Variants in KMT2C observed in about 807,000 individuals in gnomAD.
KMT2C encodes the protein lysine methyltransferase 2C.
KMT2C carries 88 observed loss-of-function variants against 507.9 expected under a neutral mutation model. The ratio of observed to expected loss-of-function variants is 0.17; its 90% CI spans 0.15 to 0.21. The LOEUF (loss-of-function observed/expected upper bound fraction) is 0.21. Ranked by LOEUF, KMT2C falls within the 10% of genes least tolerant of loss-of-function variation. The pLI is 1.00. For synonymous variants in KMT2C, 2,049 were observed against 2,080.8 expected (o/e 0.98, Z 0.42); for missense variants, 4,954 against 5,957.8 (o/e 0.83, Z 5.55).
chr7:152,324,205 G>GCA (rs2096802403), intron 3 of KMT2C, among the ~76,000 whole-genome samples: 1 of 151,378 alleles, frequency 6.6e-6, no homozygotes, highest in Non-Finnish European at 1.5e-5. Flanking sequence ...GAGATACAGT[G>GCA]CATAGCAGGG....
chr7:152,272,611 T>C (rs1056568483), intron 7 of KMT2C, among the ~76,000 whole-genome samples: 1 of 152,192 alleles, frequency 6.6e-6, no homozygotes, highest in Non-Finnish European at 1.5e-5. Flanking sequence ...GTGTACAATC[T>C]AACGCATTTT....
chr7:152,332,738 C>G (rs2096895251), intron 2 of KMT2C, among the ~76,000 whole-genome samples: 1 of 152,044 alleles, frequency 6.6e-6, no homozygotes, highest in South Asian at 2.1e-4. Flanking sequence ...ATCCCAGCTA[C>G]TCGGGAGGCT....
intron 9 of KMT2C, among the ~76,000 whole-genome samples, chr7:152,255,109 T>TATATATATATGTATA (rs1588626891): frequency 1.3e-5 from 1 of 78,344 alleles, no homozygotes; most frequent in Non-Finnish European, 2.7e-5. Context: ...CAACTCTCAC[T>TATATATATATGTATA]TATATATATA....
intron 1 of KMT2C, among the ~76,000 whole-genome samples, chr7:152,422,668 A>G (rs2097784565): frequency 6.6e-6 from 1 of 152,146 alleles, no homozygotes; most frequent in Non-Finnish European, 1.5e-5. Flanking sequence ...TGTAATATTT[A>G]TTCCCACCAT....
At chr7:152,373,203 G>A (rs544375204) in intron 1 of KMT2C, among the ~76,000 whole-genome samples, 7 of 152,184 alleles carry the variant, frequency 4.6e-5, no homozygotes, top group East Asian at 1.9e-4. Context: ...CACGGGTTCC[G>A]CATCTGTAAA....
chr7:152,291,959 T>TA (rs2096433517), intron 6 of KMT2C, among the ~76,000 whole-genome samples: 1 of 151,284 alleles, frequency 6.6e-6, no homozygotes, highest in African/African-American at 2.5e-5. Context: ...TTGAAAAACT[T>TA]ACTTTAATTA....
intron 6 of KMT2C, among the ~76,000 whole-genome samples, chr7:152,276,432 AT>A (rs1184481210): frequency 1.3e-5 from 2 of 152,184 alleles, no homozygotes; most frequent in Non-Finnish European, 2.9e-5. Context: ...TACGAAGCTA[AT>A]TAACATTTGG....
At chr7:152,157,727 T>C in intron 44 of KMT2C, 1 of 1,155,688 alleles carries the variant, frequency 8.7e-7, no homozygotes, top group South Asian at 1.7e-5. Context: ...TACCCAAAGA[T>C]GAAGCAAGAC....
intron 48 of KMT2C, 116 bp from the exon 49 acceptor site, chr7:152,153,070 C>A: frequency 1.5e-6 from 2 of 1,311,230 alleles, no homozygotes; most frequent in Non-Finnish European, 2.1e-6. Flanking sequence ...CTAAGAAAAT[C>A]CAACAAATTT....
rs796707822 is a variant in KMT2C, at chr7:152,141,733, T to A, written c.14344-1942A>T. On this transcript the variant is annotated intron_variant, in intron 55 of 58. Transcript: ENST00000262189. ...GTCTCAAAAAAAAAAAAAAAAAAAA[T>A]TCATGCCAGCCACGGGGGCTCATGC... Among the ~76,000 whole-genome samples the A allele has an allele frequency of 5.0e-3, 614 of 122,258 alleles. 14 individuals carry two copies. Among genetic ancestry groups the A allele is most frequent in the African/African-American group, 0.02 (541 of 27,694 alleles). 80.2% of individuals were successfully genotyped at this position (122,258 alleles called of 152,430 possible). A position where few individuals can be genotyped will look rare whatever the true frequency, so the allele number is the denominator to read the frequency against.
intron 1 of KMT2C, among the ~76,000 whole-genome samples, chr7:152,376,163 A>G (rs931602032): frequency 1.3e-5 from 2 of 152,186 alleles, no homozygotes; most frequent in Non-Finnish European, 2.9e-5. Flanking sequence ...TAAGATGGCT[A>G]ACATATAATG....
At chr7:152,402,913 A>G (rs1589760758) in intron 1 of KMT2C, 1 of 153,344 alleles carries the variant, frequency 6.5e-6, no homozygotes, top group Admixed American at 6.5e-5. Flanking sequence ...TTAATAAAAA[A>G]TTTTTAAGAA....
chr7:152,412,195 G>C (rs887068595), intron 1 of KMT2C, among the ~76,000 whole-genome samples: 2 of 152,164 alleles, frequency 1.3e-5, no homozygotes, highest in African/African-American at 4.8e-5. Context: ...TGAGGCAAGA[G>C]TTTGAGACCA....
At position 152,235,881 on chromosome 7, in the gene KMT2C, G is replaced by A. The variant is rs781191080; in HGVS notation, c.2705C>T (p.Ser902Leu). The change falls in exon 16 of 59, where the codon TCG becomes TTG. Residue 902 changes from serine to leucine, a missense_variant. Around this residue, in one of 29 missense-constraint regions of KMT2C, gnomAD observed 62 missense variants for 137.2 expected, o/e 0.45. Coordinates refer to ENST00000262189, the MANE Select transcript of KMT2C (RefSeq NM_170606.3). ...GKRRPRGAGL[S>L]GRGGRGRSKL... ...TGACCTGCCTCGGCCACCTCGCCCC[G>A]ACAGTCCTGCACCTCGAGGTCTCCG... 7.4e-6 allele frequency: 12 copies of A among 1,611,888 alleles called. No homozygotes were observed. The highest frequency in any genetic ancestry group is 2.3e-4 in the Middle Eastern group (1 of 4,434).
At chr7:152,272,023 A>G (rs2095985679) in intron 7 of KMT2C, among the ~76,000 whole-genome samples, 1 of 151,828 alleles carries the variant, frequency 6.6e-6, no homozygotes, top group African/African-American at 2.4e-5. Context: ...TTACCTTCAT[A>G]TTTATCCTAT....
chr7:152,147,646 G>T (rs2091240160), intron 52 of KMT2C, among the ~76,000 whole-genome samples: 1 of 147,912 alleles, frequency 6.8e-6, no homozygotes, highest in Non-Finnish European at 1.5e-5. Flanking sequence ...GGCGGAGGTT[G>T]CAGGGAACTG....
chr7:152,365,080 A>G (rs1262674873), intron 1 of KMT2C, among the ~76,000 whole-genome samples: 1 of 152,222 alleles, frequency 6.6e-6, no homozygotes, highest in Non-Finnish European at 1.5e-5. Context: ...TAAAGTAAAA[A>G]TGACTGCAGG....
In KMT2C at chr7:152,181,259, C is replaced by G. The variant is rs2129119797; in HGVS notation, c.6601G>C (p.Asp2201His). ...VTPVTNQRHS[D>H]PYAHPPGTPR... is the part of the protein sequence containing the mutation. ...GTTCCAGGAGGATGAGCATATGGAT[C>G]AGAATGCCTCTGATTTGTTACAGGT... The change falls in exon 36 of 59, where the codon GAT becomes CAT. Residue 2201 changes from aspartate to histidine, a missense_variant. Asp to His is a moderately conservative substitution (Grantham distance 81). Transcript: ENST00000262189. The G allele has an allele frequency of 6.2e-7, 1 of 1,614,022 alleles. No individual in the cohort carries two copies. Among genetic ancestry groups the G allele is most frequent in the Non-Finnish European group, 8.5e-7 (1 of 1,180,008 alleles).
In KMT2C at chr7:152,250,983, T is replaced by A; in HGVS notation, c.1622-17A>T. The A allele has an allele frequency of 7.2e-7, 1 of 1,382,116 alleles. No homozygotes were observed. The highest frequency in any genetic ancestry group is 1.0e-6 in the Non-Finnish European group (1 of 970,960). The allele number at this position is 1,382,116 out of a possible 1,614,324, so 85.6% of individuals were successfully genotyped here. A position where few individuals can be genotyped will look rare whatever the true frequency, so the allele number is the denominator to read the frequency against. ...TGTTATAATCTTAACAAAAAATTAT[T>A]AATTCTTTAGCTCAGAATGAGTTTT... On this transcript the variant is annotated splice_polypyrimidine_tract_variant and intron_variant, in intron 11 of 58. Transcript: ENST00000262189.
Sources: allele counts gnomAD v4.1 joint callset (sites outside exome capture counted in the v4.1 genomes callset), GRCh38; gene constraint gnomAD v4.1.1; regional missense constraint gnomAD v4.1.1; transcripts MANE v1.5; gene names NCBI Gene and HGNC (gene_info 2026-07-23, HGNC 2026-07-21).